RRP1B: variants seen among roughly 807,000 people sequenced by gnomAD.
RRP1B encodes ribosomal RNA processing protein 1 homolog B.
A neutral mutation model predicts 80.2 loss-of-function variants in RRP1B; 56 were observed. That is an observed-to-expected ratio of 0.70 (90% CI 0.56 to 0.87). The LOEUF is 0.87. RRP1B is among the 40% of genes least tolerant of loss of function. RRP1B has a pLI of 0.00. For synonymous variants in RRP1B, 351 were observed against 357.6 expected, an observed-to-expected ratio of 0.98 and a Z score of 0.21; for missense variants, 807 against 939.8, an observed-to-expected ratio of 0.86 and a Z score of 1.85.
At chr21:43,684,457 C>A in intron 9 of RRP1B, 96 bp from the exon 10 acceptor site, 1 of 1,047,694 alleles carries the variant, frequency 9.5e-7, no homozygotes, top group Non-Finnish European at 1.5e-6. Context: ...TTGCCAAATG[C>A]TTCAGTAAGG....
chr21:43,660,152 G>A (rs569590214), intron 1 of RRP1B, among the ~76,000 whole-genome samples: 1 of 152,300 alleles, frequency 6.6e-6, no homozygotes, highest in African/African-American at 2.4e-5. Context: ...TTTACGTGAC[G>A]GGGCTGCAGG....
intron 2 of RRP1B, among the ~76,000 whole-genome samples, chr21:43,671,095 G>A (rs2082997657): frequency 6.6e-6 from 1 of 152,134 alleles, no homozygotes; most frequent in South Asian, 2.1e-4. Flanking sequence ...GACTGATGAG[G>A]AGTGTGCTTT....
rs2083065851 is a variant in RRP1B, at chr21:43,687,027, A to G, written c.1141+92A>G. 3 of 1,377,752 alleles carry G rather than the reference A, an allele frequency of 2.2e-6. No homozygotes were observed. In the South Asian group the frequency reaches 3.8e-5, roughly 18 times the overall value. The allele number at this position is 1,377,752 out of a possible 1,614,324, so 85.3% of individuals were successfully genotyped here. A position where few individuals can be genotyped will look rare whatever the true frequency, so the allele number is the denominator to read the frequency against. On this transcript the variant is annotated intron_variant, in intron 12 of 15. Transcript: ENST00000340648. ...CTCGGAGACTTGAGCTCGTGCCGTC[A>G]TAAAGCATTAGCAGAGCCCAAAGCT... is the stretch of plus-strand genomic sequence containing the variant.
chr21:43,678,208 G>A (rs2083029743), intron 8 of RRP1B, among the ~76,000 whole-genome samples: 1 of 152,024 alleles, frequency 6.6e-6, no homozygotes, highest in Non-Finnish European at 1.5e-5. Context: ...CACCCAGGCT[G>A]GAGTGCAGTG....
chr21:43,663,703 A>G (rs1278207042), intron 1 of RRP1B, among the ~76,000 whole-genome samples: 1 of 151,694 alleles, frequency 6.6e-6, no homozygotes, highest in African/African-American at 2.4e-5. Flanking sequence ...GACTACAGGC[A>G]TGCACCACCA....
At chr21:43,674,310 C>A (rs1374174512) in intron 4 of RRP1B, among the ~76,000 whole-genome samples, 1 of 152,106 alleles carries the variant, frequency 6.6e-6, no homozygotes, top group Non-Finnish European at 1.5e-5. Flanking sequence ...ACGCGCACCA[C>A]CATGCTTGGC....
chr21:43,666,979 T>A (rs1423339213), intron 1 of RRP1B, among the ~76,000 whole-genome samples: 1 of 152,192 alleles, frequency 6.6e-6, no homozygotes, highest in Non-Finnish European at 1.5e-5. Context: ...CTTACCATGT[T>A]CCTCTGTCCC....
chr21:43,670,730 G>A (rs2082996241), intron 2 of RRP1B, among the ~76,000 whole-genome samples: 3 of 152,032 alleles, frequency 2.0e-5, no homozygotes. Flanking sequence ...ACTGTGTGTG[G>A]CCCAAGACAG....
At chr21:43,683,812 C>G (rs552171332) in intron 9 of RRP1B, among the ~76,000 whole-genome samples, 1 of 151,940 alleles carries the variant, frequency 6.6e-6, no homozygotes, top group African/African-American at 2.4e-5. Context: ...AAACCCGTCT[C>G]TACTAAAAAT....
intron 1 of RRP1B, among the ~76,000 whole-genome samples, chr21:43,666,592 C>T (rs915377934): frequency 2.6e-5 from 4 of 151,984 alleles, no homozygotes; most frequent in East Asian, 1.9e-4. Context: ...GTGGCAGGTG[C>T]GTGTAATCCC....
At chr21:43,665,000 A>C (rs1251455071) in intron 1 of RRP1B, among the ~76,000 whole-genome samples, 1 of 152,050 alleles carries the variant, frequency 6.6e-6, no homozygotes, top group East Asian at 1.9e-4. Flanking sequence ...GACACAGCCA[A>C]CCCATATTAC....
Position 43,687,915 on chromosome 21 carries a change from C to T in RRP1B, c.1541C>T (p.Pro514Leu), listed in dbSNP as rs771118576. 18 of 1,613,152 alleles carry T rather than the reference C, an allele frequency of 1.1e-5. No homozygotes were observed. The highest frequency in any genetic ancestry group is 6.7e-5 in the Admixed American group (4 of 60,016). Reference protein sequence around the residue: ...GSHPQGPRGSPTGGAQLLKRK... With the variant: ...GSHPQGPRGSLTGGAQLLKRK... The stretch of plus-strand genomic sequence containing the variant: ...CATCCTCAGGGACCTAGAGGGTCCC[C>T]GACAGGTGGAGCCCAACTCCTAAAA... The change falls in exon 13 of 16, where the codon CCG becomes CTG. Residue 514 changes from proline to leucine, a missense_variant. Physicochemically the swap from Pro to Leu is moderately conservative, Grantham distance 98. Coordinates refer to ENST00000340648, the MANE Select transcript of RRP1B (RefSeq NM_015056.3).
intron 1 of RRP1B, among the ~76,000 whole-genome samples, chr21:43,667,606 C>T (rs1330378250): frequency 6.6e-6 from 1 of 152,104 alleles, no homozygotes; most frequent in Admixed American, 6.5e-5. Flanking sequence ...TTGCCCAAAG[C>T]CTTCAATTCA....
rs1334864474 is a variant in RRP1B, at chr21:43,659,629, G to A, written c.-36G>A. 31 of 1,441,108 alleles carry A rather than the reference G, an allele frequency of 2.2e-5. No homozygotes were observed. The highest frequency in any genetic ancestry group is 2.6e-5 in the Non-Finnish European group (29 of 1,095,454). 89.3% of individuals were successfully genotyped at this position (1,441,108 alleles called of 1,614,324 possible). A position where few individuals can be genotyped will look rare whatever the true frequency, so the allele number is the denominator to read the frequency against. The stretch of plus-strand genomic sequence containing the variant: ...GCGCTCGGCTGGCTGCAGCGGCACC[G>A]CGGGTTGCGCGGCCGGGGATGCTCC... On this transcript the variant is annotated 5_prime_UTR_variant, in exon 1 of 16. Coordinates refer to ENST00000340648, the MANE Select transcript of RRP1B (RefSeq NM_015056.3). The surrounding 1 kb of genome is among the most constrained non-coding windows in gnomAD (Gnocchi z 4.2).
intron 6 of RRP1B, 54 bp from the exon 7 acceptor site, chr21:43,676,218 C>A: frequency 7.8e-7 from 1 of 1,281,030 alleles, no homozygotes; most frequent in Non-Finnish European, 1.1e-6. Flanking sequence ...TTTTCAAGGA[C>A]ATGTCAAGAA....
chr21:43,670,465 G>C (rs527752913), intron 2 of RRP1B, among the ~76,000 whole-genome samples: 4 of 152,234 alleles, frequency 2.6e-5, no homozygotes, highest in Non-Finnish European at 5.9e-5. Flanking sequence ...CTCTCTGTGC[G>C]GGGCCTGCTG....
At chr21:43,668,391 C>T (rs1326574225) in intron 1 of RRP1B, among the ~76,000 whole-genome samples, 2 of 148,464 alleles carry the variant, frequency 1.3e-5, no homozygotes, top group African/African-American at 2.5e-5. Context: ...GACGGACTCT[C>T]GCTCTGTCGC....
chr21:43,688,476 G>T (rs577826144), intron 13 of RRP1B, among the ~76,000 whole-genome samples: 1 of 152,184 alleles, frequency 6.6e-6, no homozygotes, highest in African/African-American at 2.4e-5. Context: ...GCTTGGGTTC[G>T]GGAGGGCCCA....
chr21:43,669,923 G>C lies in RRP1B; in HGVS notation c.170G>C (p.Gly57Ala), dbSNP rs1456132379. Residue 57 changes from glycine (G) to alanine (A), a missense_variant, in exon 2 of 16, where the codon GGG becomes GCG. Gly to Ala is a moderately conservative substitution (Grantham distance 60). Coordinates refer to ENST00000340648, the MANE Select transcript of RRP1B (RefSeq NM_015056.3). ...GAAGAACTTCTGAAAATCTGGAAGG[G>C]GCTCTTCTACTGCATGTGGGTGCAG... The part of the protein sequence containing the change: ...SQEELLKIWK[G>A]LFYCMWVQDE... 1.2e-5 allele frequency: 20 copies of C among 1,612,778 alleles called. No homozygotes were observed. The highest frequency in any genetic ancestry group is 2.7e-5 in the African/African-American group (2 of 74,876).
Sources: allele counts gnomAD v4.1 joint callset (sites outside exome capture counted in the v4.1 genomes callset), GRCh38; gene constraint gnomAD v4.1.1; non-coding constraint Gnocchi (gnomAD v3.1); transcripts MANE v1.5; gene names NCBI Gene and HGNC (gene_info 2026-07-23, HGNC 2026-07-21).